Variants in PGAM1 observed in about 807,000 individuals in gnomAD.
PGAM1 encodes the protein BPG-dependent PGAM 1.
Under a neutral mutation model 23.5 loss-of-function variants are expected in PGAM1, and 21 were observed. The observed-to-expected ratio is 0.89, with a 90% CI of 0.63 to 1.29. PGAM1 has a LOEUF of 1.29. Ranked by LOEUF, PGAM1 falls within the 50% of genes most tolerant of loss-of-function variation. The pLI is 0.00. For missense variants in PGAM1, 232 were observed against 336.3 expected, an observed-to-expected ratio of 0.69 and a Z score of 2.42; for synonymous variants, 109 against 128.6, an observed-to-expected ratio of 0.85 and a Z score of 1.03.
chr10:97,432,205 A>G (rs1845477935), intron 3 of PGAM1, 150 bp from the exon 4 acceptor site: 3 of 1,099,900 alleles, frequency 2.7e-6, no homozygotes, highest in South Asian at 1.3e-5. Flanking sequence ...GGTGGGGGCC[A>G]TTCCCTGGGT....
Position 97,432,379 on chromosome 10 carries a change from A to C in PGAM1, c.620A>C (p.Glu207Ala). The C allele has an allele frequency of 6.2e-7, 1 of 1,612,066 alleles. No individual in the cohort carries two copies. Among genetic ancestry groups the C allele is most frequent in the Non-Finnish European group, 8.5e-7 (1 of 1,179,918 alleles). The change falls in exon 4 of 4, where the codon GAG becomes GCG. Residue 207 changes from glutamate (E) to alanine (A), a missense_variant. By Grantham distance (107) the Glu-to-Ala change is moderately radical (BLOSUM62 -1). Around this residue, in one of 3 missense-constraint regions of PGAM1, gnomAD observed 191 missense variants for 241.7 expected, o/e 0.79. Coordinates refer to ENST00000334828, the MANE Select transcript of PGAM1 (RefSeq NM_002629.4). The stretch of plus-strand genomic sequence containing the variant: ...GGTCTCTCTGAAGAGGCTATCATGG[A>C]GCTGAACCTGCCGACTGGTATTCCC... ...LEGLSEEAIMELNLPTGIPIV... is the reference protein window; with the variant it reads ...LEGLSEEAIMALNLPTGIPIV...
intron 1 of PGAM1, 61 bp downstream of exon 1, chr10:97,426,507 G>C: frequency 6.7e-7 from 1 of 1,495,008 alleles, no homozygotes; most frequent in Non-Finnish European, 8.9e-7. Flanking sequence ...AGGCCGCCTG[G>C]CTGGCGTCTG....
chr10:97,431,004 G>C lies in PGAM1; in HGVS notation c.464G>C (p.Ser155Thr). The C allele has an allele frequency of 6.2e-7, 1 of 1,613,986 alleles. No individual in the cohort carries two copies. The highest frequency in any genetic ancestry group is 8.5e-7 in the Non-Finnish European group (1 of 1,179,896). The part of the protein sequence containing the change: ...LTEDQLPSCE[S>T]LKDTIARALP... The stretch of plus-strand genomic sequence containing the variant: ...GAAGATCAGCTACCCTCCTGTGAGA[G>C]TCTGAAGGATACTATTGCCAGAGCT... The change falls in exon 3 of 4, where the codon AGT (serine) becomes ACT (threonine). Residue 155 changes from serine to threonine, a missense_variant. This residue lies in a region of PGAM1 where 191 missense variants were observed against 241.7 expected (regional missense o/e 0.79). Coordinates refer to ENST00000334828, the MANE Select transcript of PGAM1 (RefSeq NM_002629.4).
chr10:97,428,883 A>G (rs1845439036), intron 1 of PGAM1, among the ~76,000 whole-genome samples: 1 of 152,156 alleles, frequency 6.6e-6, no homozygotes, highest in African/African-American at 2.4e-5. Flanking sequence ...TGACTGGCAG[A>G]AAAATTCACT....
chr10:97,426,666 C>T (rs903022424), intron 1 of PGAM1, among the ~76,000 whole-genome samples: 1 of 152,276 alleles, frequency 6.6e-6, no homozygotes, highest in African/African-American at 2.4e-5. Context: ...GGACCCAGGG[C>T]GGTCGCCCCG....
chr10:97,429,616 G>C (rs559122277), intron 1 of PGAM1, among the ~76,000 whole-genome samples: 2 of 152,038 alleles, frequency 1.3e-5, no homozygotes, highest in Non-Finnish European at 2.9e-5. Context: ...CTACAGTAGA[G>C]AGAAACCATG....
At chr10:97,426,500 C>G (rs904950061) in intron 1 of PGAM1, 54 bp downstream of exon 1, 8 of 1,504,150 alleles carry the variant, frequency 5.3e-6, no homozygotes, top group Non-Finnish European at 6.2e-6. Flanking sequence ...GCCTCGGAGG[C>G]CGCCTGGCTG....
intron 1 of PGAM1, among the ~76,000 whole-genome samples, chr10:97,428,656 G>A (rs1845437267): frequency 6.6e-6 from 1 of 152,206 alleles, no homozygotes; most frequent in Non-Finnish European, 1.5e-5. Flanking sequence ...TGCACTGTGG[G>A]TATTCACTTC....
At position 97,433,242 on chromosome 10, in the gene PGAM1, C is replaced by T. The variant is rs920593605; in HGVS notation, c.*718C>T. 1 of 150,866 alleles carries T rather than the reference C, an allele frequency of 6.6e-6. No individual in the cohort carries two copies. Among genetic ancestry groups the T allele is most frequent in the Non-Finnish European group, 1.5e-5 (1 of 67,816 alleles). 9.3% of individuals were successfully genotyped at this position (150,866 alleles called of 1,614,324 possible). ...GACCTCTGAGGGGCAGGAGTGCTTC[C>T]TGGTGTGTGTATTAGAATCCCTTCC... On this transcript the variant is annotated 3_prime_UTR_variant, in exon 4 of 4. Transcript: ENST00000334828.
chr10:97,429,281 T>A (rs1401775816), intron 1 of PGAM1, among the ~76,000 whole-genome samples: 1 of 151,996 alleles, frequency 6.6e-6, no homozygotes, highest in Non-Finnish European at 1.5e-5. Flanking sequence ...TTTTTTTGTA[T>A]TTTTAGTAGA....
chr10:97,431,074 G>T lies in PGAM1; in HGVS notation c.534G>T (p.Gly178=), dbSNP rs941655031. The T allele has an allele frequency of 2.1e-5, 34 of 1,614,038 alleles. No homozygotes were observed. The highest frequency in any genetic ancestry group is 2.5e-5 in the Non-Finnish European group (30 of 1,180,038). The change falls in exon 3 of 4, where the codon GGG becomes GGT. Residue 178 remains glycine, a synonymous_variant. Transcript: ENST00000334828. The part of the protein sequence containing the change: ...NEEIVPQIKE[G]KRVLIAAHGN... ...AAATAGTTCCCCAGATCAAGGAGGG[G>T]AAACGTGTACTGATTGCAGCCCATG...
rs1845492067 is a variant in PGAM1 at position 97,433,296 on chromosome 10, CTT to C, written c.*773_*774del. The C allele has an allele frequency of 6.6e-6, 1 of 151,476 alleles. No individual in the cohort carries two copies. Among genetic ancestry groups the C allele is most frequent in the Non-Finnish European group, 1.5e-5 (1 of 67,802 alleles). The allele number at this position is 151,476 out of a possible 1,614,324, so 9.4% of individuals were successfully genotyped here. A position where few individuals can be genotyped will look rare whatever the true frequency, so the allele number is the denominator to read the frequency against. The stretch of plus-strand genomic sequence containing the variant: ...CTTGTTTCATGGCAGTGAAATGCCT[CTT>C]GGTCCTGTCCAAGTGTATCTTTCAC... On this transcript the variant is annotated 3_prime_UTR_variant, in exon 4 of 4. Coordinates refer to ENST00000334828, the MANE Select transcript of PGAM1 (RefSeq NM_002629.4).
chr10:97,433,047 G>A lies in PGAM1; in HGVS notation c.*523G>A, dbSNP rs1157365752. On this transcript the variant is annotated 3_prime_UTR_variant, in exon 4 of 4. Coordinates refer to ENST00000334828, the MANE Select transcript of PGAM1 (RefSeq NM_002629.4). ...ACCCCAGAGGATCTGGCTCTAGGTT[G>A]GGATCAATCCTGAATTTCGTTATGT... is the stretch of plus-strand genomic sequence containing the variant. 5 of 156,774 alleles carry A rather than the reference G, an allele frequency of 3.2e-5. No homozygotes were observed. The highest frequency in any genetic ancestry group is 4.2e-5 in the Non-Finnish European group (3 of 71,208). 9.7% of individuals were successfully genotyped at this position (156,774 alleles called of 1,614,324 possible).
At chr10:97,431,179 A>G (rs199796648) in intron 3 of PGAM1, 44 bp downstream of exon 3, 3 of 1,610,392 alleles carry the variant, frequency 1.9e-6, no homozygotes, top group African/African-American at 1.3e-5. Flanking sequence ...AGGATAAAGC[A>G]GAACTGCCAC....
In PGAM1 at chr10:97,430,566, G is replaced by C. The variant is rs570010624; in HGVS notation, c.327G>C (p.Glu109Asp). The C allele has an allele frequency of 6.9e-6, 11 of 1,600,988 alleles. No homozygotes were observed. The South Asian group carries it at 8.8e-5, about 13-fold the overall frequency. ...CAGAAACTGCTGCAAAGCATGGTGAGGCCCAGGTGAAGATCTGGAGGCGCT... is the reference window on the plus strand; with the variant it reads ...CAGAAACTGCTGCAAAGCATGGTGACGCCCAGGTGAAGATCTGGAGGCGCT... ...NKAETAAKHGEAQVKIWRRSY... is the reference protein window; with the variant it reads ...NKAETAAKHGDAQVKIWRRSY... Residue 109 changes from glutamate (E) to aspartate (D), a missense_variant, in exon 2 of 4, where the codon GAG becomes GAC. Coordinates refer to ENST00000334828, the MANE Select transcript of PGAM1 (RefSeq NM_002629.4).
intron 1 of PGAM1, among the ~76,000 whole-genome samples, chr10:97,428,923 C>G (rs1845439235): frequency 6.6e-6 from 1 of 151,924 alleles, no homozygotes; most frequent in Non-Finnish European, 1.5e-5. Context: ...GTTGCTAACC[C>G]CAATATGAAG....
chr10:97,429,806 A>T (rs1268585140), intron 1 of PGAM1, among the ~76,000 whole-genome samples: 1 of 152,170 alleles, frequency 6.6e-6, no homozygotes, highest in Admixed American at 6.5e-5. Context: ...TAATTTTCTT[A>T]CTTCAGAGTT....
In PGAM1 at chr10:97,430,520, G is replaced by A; in HGVS notation, c.281G>A (p.Gly94Asp). Residue 94 changes from glycine to aspartate, a missense_variant, in exon 2 of 4, where the codon GGT becomes GAT. By Grantham distance (94) the Gly-to-Asp change is moderately conservative. Transcript: ENST00000334828. ...TWRLNERHYG[G>D]LTGLNKAETA... ...CGCCTCAATGAGCGGCACTATGGGG[G>A]TCTAACCGGTCTCAATAAAGCAGAA... 1 of 1,600,884 alleles carries A rather than the reference G, an allele frequency of 6.2e-7. No individual in the cohort carries two copies. Among genetic ancestry groups the A allele is most frequent in the Non-Finnish European group, 8.5e-7 (1 of 1,179,812 alleles).
chr10:97,432,708 T>A lies in PGAM1; in HGVS notation c.*184T>A. 2 of 596,174 alleles carry A rather than the reference T, an allele frequency of 3.4e-6. No individual in the cohort carries two copies. The highest frequency in any genetic ancestry group is 4.0e-5 in the South Asian group (2 of 50,632). 36.9% of individuals were successfully genotyped at this position (596,174 alleles called of 1,614,324 possible). ...TTGTCGCCTGCACCCACTCCCTTCATACAATCTAGTCAGAATAGCAGTTCT... is the reference window on the plus strand; with the variant it reads ...TTGTCGCCTGCACCCACTCCCTTCAAACAATCTAGTCAGAATAGCAGTTCT... On this transcript the variant is annotated 3_prime_UTR_variant, in exon 4 of 4. Coordinates refer to ENST00000334828, the MANE Select transcript of PGAM1 (RefSeq NM_002629.4).
Sources: allele counts gnomAD v4.1 joint callset (sites outside exome capture counted in the v4.1 genomes callset), GRCh38; gene constraint gnomAD v4.1.1; regional missense constraint gnomAD v4.1.1; transcripts MANE v1.5; gene names NCBI Gene and HGNC (gene_info 2026-07-23, HGNC 2026-07-21).